Variants in ELAPOR2 observed in about 807,000 individuals in gnomAD.
The protein encoded by ELAPOR2 is endosome/lysosome-associated apoptosis and autophagy regulator family member 2.
ELAPOR2 carries 89 observed loss-of-function variants against 120.7 expected under a neutral mutation model. The observed-to-expected ratio is 0.74, with a 90% CI of 0.62 to 0.88. ELAPOR2 has a LOEUF of 0.88. ELAPOR2 is among the 40% of genes least tolerant of loss of function. The pLI is 0.00. For missense variants in ELAPOR2, 1,134 were observed against 1,251.6 expected (o/e 0.91, Z 1.42); for synonymous variants, 444 against 444.9 (o/e 1.00, Z 0.03).
intron 1 of ELAPOR2, among the ~76,000 whole-genome samples, chr7:86,988,986 G>C (rs1350977305): frequency 6.6e-6 from 1 of 152,170 alleles, no homozygotes; most frequent in Non-Finnish European, 1.5e-5. Context: ...ATACCAAGCA[G>C]TTCAGATAGA....
chr7:87,014,504 C>T (rs770062315), intron 1 of ELAPOR2, among the ~76,000 whole-genome samples: 8 of 152,216 alleles, frequency 5.3e-5, no homozygotes, highest in Admixed American at 1.3e-4. Flanking sequence ...TGGCCAAACA[C>T]GGGTTTACAC....
At chr7:86,979,773 T>C (rs894577862) in intron 1 of ELAPOR2, among the ~76,000 whole-genome samples, 8 of 152,292 alleles carry the variant, frequency 5.3e-5, no homozygotes, top group Admixed American at 4.6e-4. Flanking sequence ...AAAAGAAACA[T>C]GTCACCCAAT....
At position 86,877,772 on chromosome 7, in the gene ELAPOR2, T is replaced by A. The variant is rs866807024; in HGVS notation, c.*2699A>T. On this transcript the variant is annotated 3_prime_UTR_variant, in exon 22 of 22. Coordinates refer to ENST00000450689, the MANE Select transcript of ELAPOR2 (RefSeq NM_001142749.3). The stretch of plus-strand genomic sequence containing the variant: ...TTCCACATAATCAATTTAAACAACC[T>A]TTTTTCTTTGGGAAGAAAATAAGGA... The A allele has an allele frequency of 6.6e-6, 1 of 152,102 alleles. No individual in the cohort carries two copies. The highest frequency in any genetic ancestry group is 1.5e-5 in the Non-Finnish European group (1 of 68,018). The allele number at this position is 152,102 out of a possible 1,614,324, so 9.4% of individuals were successfully genotyped here.
chr7:87,007,699 G>A (rs1793527902), intron 1 of ELAPOR2, among the ~76,000 whole-genome samples: 1 of 152,146 alleles, frequency 6.6e-6, no homozygotes, highest in Admixed American at 6.6e-5. Flanking sequence ...GATAAGCCTA[G>A]AACGGCTTGT....
In ELAPOR2 at chr7:86,907,761, C is replaced by T; in HGVS notation, c.2467G>A (p.Ala823Thr). 5 of 1,555,756 alleles carry T rather than the reference C, an allele frequency of 3.2e-6. No homozygotes were observed. The highest frequency in any genetic ancestry group is 2.4e-5 in the East Asian group (1 of 41,252). ...CGGCCATTAATACAAGATGTTGTTG[C>T]TGTAGAAGACCTATTGTAAGCCAAA... ...DVHFFYKSST[A>T]TTSCINGRST... is the part of the protein sequence containing the mutation. Residue 823 changes from alanine to threonine, a missense_variant, in exon 18 of 22, where the codon GCA (alanine) becomes ACA (threonine). By Grantham distance (58) the Ala-to-Thr change is moderately conservative. Around this residue, in one of 3 missense-constraint regions of ELAPOR2, gnomAD observed 831 missense variants for 867.6 expected, o/e 0.96. Transcript: ENST00000450689.
At chr7:87,027,711 C>A (rs1430801569) in intron 1 of ELAPOR2, among the ~76,000 whole-genome samples, 1 of 152,094 alleles carries the variant, frequency 6.6e-6, no homozygotes, top group South Asian at 2.1e-4. Flanking sequence ...AGGAGAGAAG[C>A]CTGGAACAGA....
At chr7:86,949,216 TA>T (rs1173099275) in intron 2 of ELAPOR2, among the ~76,000 whole-genome samples, 1 of 152,222 alleles carries the variant, frequency 6.6e-6, no homozygotes, top group Non-Finnish European at 1.5e-5. Flanking sequence ...GCTGGCTACA[TA>T]GTCAAAACTG....
chr7:86,954,544 G>T (rs1791395027), intron 2 of ELAPOR2, among the ~76,000 whole-genome samples: 1 of 152,062 alleles, frequency 6.6e-6, no homozygotes, highest in African/African-American at 2.4e-5. Context: ...CAATTTACTT[G>T]TTTAATGAGA....
At chr7:86,906,424 C>T (rs796602518) in intron 18 of ELAPOR2, among the ~76,000 whole-genome samples, 9 of 152,138 alleles carry the variant, frequency 5.9e-5, no homozygotes, top group African/African-American at 2.2e-4. Context: ...AGTGGAAACA[C>T]GCAGTTGGTG....
At chr7:86,955,085 A>T (rs1377946815) in intron 2 of ELAPOR2, among the ~76,000 whole-genome samples, 5 of 152,136 alleles carry the variant, frequency 3.3e-5, no homozygotes, top group Non-Finnish European at 7.4e-5. Flanking sequence ...ACACCAAAAA[A>T]GCAGAAAATG....
chr7:86,899,850 GTT>G (rs551953633), intron 18 of ELAPOR2, among the ~76,000 whole-genome samples: 2 of 145,840 alleles, frequency 1.4e-5, no homozygotes, highest in Middle Eastern at 3.6e-3. Context: ...TAATTTCTCT[GTT>G]TTTTTTTTTA....
At chr7:86,994,982 AC>A (rs1793076919) in intron 1 of ELAPOR2, among the ~76,000 whole-genome samples, 1 of 152,210 alleles carries the variant, frequency 6.6e-6, no homozygotes, top group South Asian at 2.1e-4. Context: ...ACAAGAAATT[AC>A]CAAGATAGGA....
At chr7:87,002,796 C>G (rs990190199) in intron 1 of ELAPOR2, among the ~76,000 whole-genome samples, 1 of 152,098 alleles carries the variant, frequency 6.6e-6, no homozygotes, top group Non-Finnish European at 1.5e-5. Flanking sequence ...ACATGTTGGG[C>G]TAGATACCCC....
At chr7:87,029,986 A>T (rs1010034526) in intron 1 of ELAPOR2, among the ~76,000 whole-genome samples, 1 of 152,190 alleles carries the variant, frequency 6.6e-6, no homozygotes, top group African/African-American at 2.4e-5. Flanking sequence ...ATTACTAACC[A>T]TGACAAGAGA....
At chr7:87,041,990 A>T (rs1220617668) in intron 1 of ELAPOR2, among the ~76,000 whole-genome samples, 3 of 151,628 alleles carry the variant, frequency 2.0e-5, no homozygotes, top group Non-Finnish European at 2.9e-5. Context: ...ACTTTAAACC[A>T]ACAAAGATCA....
In ELAPOR2 at chr7:86,919,276, C is replaced by G. The variant is rs751615936; in HGVS notation, c.1434G>C (p.Gly478=). 1 of 1,611,606 alleles carries G rather than the reference C, an allele frequency of 6.2e-7. No individual in the cohort carries two copies. Among genetic ancestry groups the G allele is most frequent in the East Asian group, 2.2e-5 (1 of 44,728 alleles). Residue 478 remains glycine, a synonymous_variant, in exon 11 of 22, where the codon GGG becomes GGC. Transcript: ENST00000450689. ...WEVAGDHIQS[G]AGGSDNDYLI... The stretch of plus-strand genomic sequence containing the variant: ...GGTAATCATTGTCAGAACCTCCAGC[C>G]CCACTCTGGATATGATCTCCAGCCA...
At chr7:87,052,252 G>A (rs775488653) in intron 1 of ELAPOR2, among the ~76,000 whole-genome samples, 1 of 152,200 alleles carries the variant, frequency 6.6e-6, no homozygotes, top group Non-Finnish European at 1.5e-5. Context: ...TGGCTAGGGA[G>A]GCCTCACAAT....
At chr7:86,942,193 G>T in intron 4 of ELAPOR2, 89 bp from the exon 5 acceptor site, 2 of 690,144 alleles carry the variant, frequency 2.9e-6, no homozygotes, top group Non-Finnish European at 5.2e-6. Flanking sequence ...CAAGAACCTC[G>T]TTCAATACCT....
At chr7:86,936,347 AG>A (rs1790558333) in intron 8 of ELAPOR2, among the ~76,000 whole-genome samples, 1 of 152,056 alleles carries the variant, frequency 6.6e-6, no homozygotes, top group Non-Finnish European at 1.5e-5. Flanking sequence ...CCTCCTAAGT[AG>A]CTGAGACTAC....
Sources: allele counts gnomAD v4.1 joint callset (sites outside exome capture counted in the v4.1 genomes callset), GRCh38; gene constraint gnomAD v4.1.1; regional missense constraint gnomAD v4.1.1; transcripts MANE v1.5; gene names NCBI Gene and HGNC (gene_info 2026-07-23, HGNC 2026-07-21).